PXDNL: variants seen among roughly 807,000 people sequenced by gnomAD.
The protein encoded by PXDNL is peroxidasin like.
Under a neutral mutation model 150.8 loss-of-function variants are expected in PXDNL, and 145 were observed. The ratio of observed to expected loss-of-function variants is 0.96; its 90% CI spans 0.84 to 1.10. The LOEUF (loss-of-function observed/expected upper bound fraction) is 1.10. PXDNL is among the 50% of genes least tolerant of loss of function. The pLI is 0.00. For synonymous variants in PXDNL, 757 were observed against 725.7 expected, an observed-to-expected ratio of 1.04 and a Z score of -0.69; for missense variants, 2,087 against 1,873.9, an observed-to-expected ratio of 1.11 and a Z score of -2.10.
At chr8:51,749,875 A>G (rs1003146414) in intron 1 of PXDNL, among the ~76,000 whole-genome samples, 9 of 151,840 alleles carry the variant, frequency 5.9e-5, no homozygotes, top group Admixed American at 1.3e-4. Context: ...TAATTTTTGT[A>G]TTTTTAGTAG....
intron 17 of PXDNL, among the ~76,000 whole-genome samples, chr8:51,392,256 T>G (rs572293352): frequency 2.6e-4 from 40 of 152,284 alleles, no homozygotes; most frequent in African/African-American, 9.6e-4. Flanking sequence ...TTTAAAATAG[T>G]TTTTTCCACT....
At chr8:51,733,086 C>A (rs544557613) in intron 1 of PXDNL, among the ~76,000 whole-genome samples, 6 of 152,238 alleles carry the variant, frequency 3.9e-5, no homozygotes, top group Non-Finnish European at 8.8e-5. Context: ...GTTCTGGCAA[C>A]AGTGCCTGTC....
At chr8:51,463,841 A>T (rs1036657928) in intron 8 of PXDNL, among the ~76,000 whole-genome samples, 1 of 152,178 alleles carries the variant, frequency 6.6e-6, no homozygotes, top group Non-Finnish European at 1.5e-5. Flanking sequence ...ATCCTGAATG[A>T]CTTTTGGGTA....
chr8:51,579,578 C>T, intron 3 of PXDNL, among the ~76,000 whole-genome samples: 1 of 151,986 alleles, frequency 6.6e-6, no homozygotes, highest in Non-Finnish European at 1.5e-5. Flanking sequence ...ACCCAGCAAT[C>T]ACACTCCAGG....
At chr8:51,584,906 A>G (rs1408441943) in intron 3 of PXDNL, among the ~76,000 whole-genome samples, 1 of 152,168 alleles carries the variant, frequency 6.6e-6, no homozygotes, top group Non-Finnish European at 1.5e-5. Context: ...TTGGACAAAG[A>G]AATAAAGTTT....
rs1191074120 is a variant in PXDNL at position 51,560,125 on chromosome 8, CACTGAA to C, written c.309-3220_309-3215del. Among the ~76,000 whole-genome samples, 102 of 152,044 alleles carry C rather than the reference CACTGAA, an allele frequency of 6.7e-4. 2 individuals carry two copies. The highest frequency in any genetic ancestry group is 2.4e-3 in the African/African-American group (100 of 41,526). On this transcript the variant is annotated intron_variant, in intron 3 of 22. Transcript: ENST00000356297. ...TAACCAAGCGGGTTAAAGACTTCTA[CACTGAA>C]AGATACAAAACATTACTGTAAGAAA...
At chr8:51,657,743 T>G (rs1815181551) in intron 1 of PXDNL, among the ~76,000 whole-genome samples, 1 of 152,210 alleles carries the variant, frequency 6.6e-6, no homozygotes, top group South Asian at 2.1e-4. Context: ...GTAATTTAAC[T>G]GAAAATAATG....
At chr8:51,577,606 A>G (rs1038889234) in intron 3 of PXDNL, among the ~76,000 whole-genome samples, 1 of 147,594 alleles carries the variant, frequency 6.8e-6, no homozygotes, top group African/African-American at 2.5e-5. Context: ...ATATATATAT[A>G]TATAATCAGG....
At chr8:51,388,309 T>C (rs940552527) in intron 17 of PXDNL, among the ~76,000 whole-genome samples, 3 of 152,208 alleles carry the variant, frequency 2.0e-5, no homozygotes, top group African/African-American at 7.2e-5. Context: ...CTGGTTTTTT[T>C]ATGTTTTTGT....
intron 1 of PXDNL, among the ~76,000 whole-genome samples, chr8:51,738,651 C>T (rs988633434): frequency 3.3e-5 from 5 of 151,972 alleles, no homozygotes; most frequent in African/African-American, 1.2e-4. Context: ...AGGAAAACTT[C>T]CTAAACAAAA....
intron 8 of PXDNL, 89 bp from the exon 9 acceptor site, chr8:51,457,756 A>G: frequency 1.2e-6 from 1 of 844,262 alleles, no homozygotes; most frequent in Non-Finnish European, 1.7e-6. Context: ...CTATATAGCT[A>G]TGTTTCATGT....
At chr8:51,377,427 G>T (rs1807359594) in intron 17 of PXDNL, among the ~76,000 whole-genome samples, 1 of 152,200 alleles carries the variant, frequency 6.6e-6, no homozygotes, top group South Asian at 2.1e-4. Flanking sequence ...GTGCTTGAGG[G>T]GCCTTTCAGC....
chr8:51,742,485 T>C (rs2036917117), intron 1 of PXDNL, among the ~76,000 whole-genome samples: 1 of 152,024 alleles, frequency 6.6e-6, no homozygotes, highest in Non-Finnish European at 1.5e-5. Context: ...GGACGTTAGT[T>C]ACCATTAAGG....
chr8:51,512,584 C>T (rs1342029756), intron 4 of PXDNL, among the ~76,000 whole-genome samples: 1 of 152,156 alleles, frequency 6.6e-6, no homozygotes, highest in Admixed American at 6.5e-5. Context: ...GCTAGGATAA[C>T]TTTAGAGCAC....
chr8:51,658,268 G>A (rs1815193311), intron 1 of PXDNL, among the ~76,000 whole-genome samples: 1 of 148,170 alleles, frequency 6.7e-6, no homozygotes, highest in Non-Finnish European at 1.5e-5. Context: ...CTTGGGCCCA[G>A]GAGGTAAAAG....
At chr8:51,801,153 G>A (rs1303169971) in intron 1 of PXDNL, among the ~76,000 whole-genome samples, 1 of 152,110 alleles carries the variant, frequency 6.6e-6, no homozygotes, top group African/African-American at 2.4e-5. Context: ...CATTCCTGGG[G>A]GGAGGTCTAT....
chr8:51,605,750 G>T (rs571217810), intron 2 of PXDNL, among the ~76,000 whole-genome samples: 153 of 152,248 alleles, frequency 1.0e-3, no homozygotes, highest in East Asian at 7.7e-4. Context: ...ATTAATGAGG[G>T]CCCTGCCCTC....
chr8:51,495,528 G>A (rs538676418), intron 5 of PXDNL, among the ~76,000 whole-genome samples: 2,639 of 152,080 alleles, frequency 0.017, 34 homozygotes, highest in Non-Finnish European at 0.027. Flanking sequence ...TTGATAGACC[G>A]CTAGCAAGAC....
chr8:51,449,265 T>C (rs1250512498), intron 10 of PXDNL, 147 bp from the exon 11 acceptor site: 3 of 574,806 alleles, frequency 5.2e-6, no homozygotes, highest in Non-Finnish European at 9.2e-6. Context: ...AGTGTGGAGG[T>C]GCTTCTGTAT....
Sources: gnomAD v4.1 joint callset for allele counts (sites outside exome capture counted in the v4.1 genomes callset) on GRCh38, gnomAD v4.1.1 for gene constraint, MANE v1.5 for transcripts, NCBI Gene and HGNC (gene_info 2026-07-23, HGNC 2026-07-21) for gene names.